The following CTNNA2 variants were observed in gnomAD, a reference collection of about 807,000 sequenced individuals.
CTNNA2 encodes the protein catenin alpha 2.
In CTNNA2, 42 loss-of-function variants were observed where a neutral mutation model predicts 101.0. The observed-to-expected ratio is 0.42, with a 90% CI of 0.32 to 0.54. The LOEUF is 0.54. Ranked by LOEUF, CTNNA2 falls within the 20% of genes least tolerant of loss-of-function variation. The pLI is 0.14. For missense variants in CTNNA2, 871 were observed against 1,223.1 expected, an observed-to-expected ratio of 0.71 and a Z score of 4.29; for synonymous variants, 450 against 456.4, an observed-to-expected ratio of 0.99 and a Z score of 0.18.
chr2:79,286,975 A>G (rs1274242726), intron 2 of CTNNA2, among the ~76,000 whole-genome samples: 1 of 151,922 alleles, frequency 6.6e-6, no homozygotes, highest in Non-Finnish European at 1.5e-5. Context: ...TTTTTTCTCT[A>G]AACTTCCCTT....
chr2:79,998,481 G>T (rs940027112), intron 7 of CTNNA2, among the ~76,000 whole-genome samples: 1 of 152,100 alleles, frequency 6.6e-6, no homozygotes, highest in South Asian at 2.1e-4. Flanking sequence ...CTCATAAATG[G>T]AAGGGTAGCT....
At chr2:79,694,903 T>C (rs1051623079) in intron 2 of CTNNA2, among the ~76,000 whole-genome samples, 3 of 151,910 alleles carry the variant, frequency 2.0e-5, no homozygotes, top group Non-Finnish European at 4.4e-5. Context: ...CTTCGGTGAT[T>C]CATGGCAAAC....
intron 18 of CTNNA2, among the ~76,000 whole-genome samples, chr2:80,619,872 T>C (rs1573476647): frequency 6.6e-6 from 1 of 151,966 alleles, no homozygotes; most frequent in African/African-American, 2.4e-5. Context: ...TGATGCTGTT[T>C]CATAGGGTCT....
At chr2:79,980,239 AT>A (rs1054204265) in intron 7 of CTNNA2, among the ~76,000 whole-genome samples, 1 of 152,184 alleles carries the variant, frequency 6.6e-6, no homozygotes, top group Admixed American at 6.5e-5. Flanking sequence ...TGGTCCTGAA[AT>A]GACATTGTCA....
rs1695745345 is a variant in CTNNA2, at chr2:80,583,824, TATC to T, written c.2007+2009_2007+2011del. Among the ~76,000 whole-genome samples the T allele has an allele frequency of 4.6e-5, 7 of 152,284 alleles. 1 individual carries two copies. The South Asian group carries it at 1.4e-3, about 32-fold the overall frequency. On this transcript the variant is annotated intron_variant, in intron 14 of 18. Coordinates refer to ENST00000402739, the MANE Select transcript of CTNNA2 (RefSeq NM_001282597.3). The stretch of plus-strand genomic sequence containing the variant: ...AATACAATTTGGAGACTCCTGTCTT[TATC>T]ATCTATTATTTCTTCACACTAGTGT...
At chr2:79,489,497 A>G (rs1671189140) in intron 4 of CTNNA2, among the ~76,000 whole-genome samples, 1 of 152,202 alleles carries the variant, frequency 6.6e-6, no homozygotes, top group African/African-American at 2.4e-5. Context: ...CTAGGCTTGT[A>G]CCCTCAGATA....
intron 9 of CTNNA2, among the ~76,000 whole-genome samples, chr2:80,521,425 A>G (rs561656602): frequency 2.6e-5 from 4 of 152,310 alleles, no homozygotes; most frequent in African/African-American, 4.8e-5. Flanking sequence ...CCTGGAACCC[A>G]TGAATATGTT....
intron 7 of CTNNA2, among the ~76,000 whole-genome samples, chr2:80,239,771 G>A (rs1709744062): frequency 6.6e-6 from 1 of 151,932 alleles, no homozygotes; most frequent in Non-Finnish European, 1.5e-5. Flanking sequence ...AATTAGCCAG[G>A]CGTGATGGCA....
intron 4 of CTNNA2, among the ~76,000 whole-genome samples, chr2:79,420,853 G>A (rs914255804): frequency 6.6e-6 from 1 of 152,118 alleles, no homozygotes; most frequent in African/African-American, 2.4e-5. Context: ...GGAACCCAAG[G>A]AATGTGATAC....
intron 2 of CTNNA2, among the ~76,000 whole-genome samples, chr2:79,663,609 C>T (rs1682193341): frequency 6.6e-6 from 1 of 152,150 alleles, no homozygotes; most frequent in Non-Finnish European, 1.5e-5. Flanking sequence ...ATTCTCCCGA[C>T]CTCACAGAGA....
At chr2:80,437,946 C>T (rs1487570892) in intron 9 of CTNNA2, among the ~76,000 whole-genome samples, 3 of 152,178 alleles carry the variant, frequency 2.0e-5, no homozygotes, top group Non-Finnish European at 4.4e-5. Flanking sequence ...TGCAGTCAGC[C>T]GAGACTGGGC....
At chr2:79,355,324 T>A (rs1421388663) in intron 3 of CTNNA2, among the ~76,000 whole-genome samples, 1 of 152,146 alleles carries the variant, frequency 6.6e-6, no homozygotes, top group Non-Finnish European at 1.5e-5. Flanking sequence ...GACATTATGG[T>A]CATTTTTGTG....
intron 15 of CTNNA2, among the ~76,000 whole-genome samples, chr2:80,598,252 T>A (rs1374358224): frequency 6.6e-6 from 1 of 151,946 alleles, no homozygotes; most frequent in East Asian, 1.9e-4. Context: ...AGTTGAACAA[T>A]GAAAACACAT....
At chr2:79,395,539 C>T (rs974545180) in intron 4 of CTNNA2, among the ~76,000 whole-genome samples, 1 of 152,060 alleles carries the variant, frequency 6.6e-6, no homozygotes, top group Non-Finnish European at 1.5e-5. Flanking sequence ...TTGAATGTTG[C>T]CTTAGCACCC....
chr2:80,647,876 G>GATAGGTTTTAACAAGAAAGCTTT lies in CTNNA2; in HGVS notation c.*5_*27dup. 1 of 1,562,092 alleles carries GATAGGTTTTAACAAGAAAGCTTT rather than the reference G, an allele frequency of 6.4e-7. No individual in the cohort carries two copies. ...CAAAGCAATGGATTCCTTCTAGGAC[G>GATAGGTTTTAACAAGAAAGCTTT]ATAGGTTTTAACAAGAAAGCTTTTT... On this transcript the variant is annotated 3_prime_UTR_variant, in exon 19 of 19. Coordinates refer to ENST00000402739, the MANE Select transcript of CTNNA2 (RefSeq NM_001282597.3).
intron 4 of CTNNA2, 147 bp from the exon 5 acceptor site, chr2:79,869,669 G>A (rs1682434081): frequency 9.8e-7 from 1 of 1,021,892 alleles, no homozygotes; most frequent in East Asian, 2.7e-5. Context: ...ACACATGATT[G>A]TTAGAGGAAC....
At chr2:80,201,025 C>G (rs1707171808) in intron 7 of CTNNA2, among the ~76,000 whole-genome samples, 1 of 152,106 alleles carries the variant, frequency 6.6e-6, no homozygotes, top group Admixed American at 6.5e-5. Context: ...TCTCAAGTCC[C>G]TGATATAAAA....
intron 7 of CTNNA2, among the ~76,000 whole-genome samples, chr2:79,939,065 G>A (rs1687976198): frequency 6.6e-6 from 1 of 152,134 alleles, no homozygotes; most frequent in African/African-American, 2.4e-5. Flanking sequence ...ACAGAGGCCT[G>A]ACTTGAACTC....
Position 79,256,266 on chromosome 2 carries a change from G to A in CTNNA2, c.-405-56443G>A, listed in dbSNP as rs147042717. On this transcript the variant is annotated intron_variant, in intron 2 of 21. Coordinates refer to the CTNNA2 transcript ENST00000466387. Reference sequence around the variant, plus strand: ...CATCAATTCCCTGAGACTCTTTCCAGCCACCTCACCCCGACAACTCCAACT... The same window carrying A: ...CATCAATTCCCTGAGACTCTTTCCAACCACCTCACCCCGACAACTCCAACT... 4.0e-3 allele frequency among the ~76,000 whole-genome samples: 611 copies of A among 152,196 alleles called. 15 individuals are homozygous for A. The highest frequency in any genetic ancestry group is 0.026 in the East Asian group (134 of 5,170).
Sources: gnomAD v4.1 joint callset for allele counts (sites outside exome capture counted in the v4.1 genomes callset) on GRCh38, gnomAD v4.1.1 for gene constraint, MANE v1.5 for transcripts, NCBI Gene and HGNC (gene_info 2026-07-23, HGNC 2026-07-21) for gene names.